Variants in BBS9 observed in about 807,000 individuals in gnomAD.
BBS9 encodes the protein Bardet-Biedl syndrome 9.
Under a neutral mutation model 117.7 loss-of-function variants are expected in BBS9, and 89 were observed. The observed-to-expected ratio is 0.76, with a 90% CI of 0.64 to 0.90. The LOEUF (loss-of-function observed/expected upper bound fraction) is 0.90, where lower values mean the gene tolerates loss of function less well. Among genes scored for constraint, BBS9 ranks in the 40% least tolerant of loss-of-function variants. The pLI, the probability that BBS9 is intolerant of heterozygous loss-of-function variation, is 0.00. For missense variants in BBS9, 982 were observed against 1,042.2 expected (o/e 0.94, Z 0.80); for synonymous variants, 379 against 370.9 (o/e 1.02, Z -0.25).
intron 9 of BBS9, among the ~76,000 whole-genome samples, chr7:33,335,194 A>G (rs765664657): frequency 6.6e-6 from 1 of 152,106 alleles, no homozygotes; most frequent in African/African-American, 2.4e-5. Context: ...CTTCAGATGA[A>G]TAGCAACATT....
chr7:33,585,302 G>C (rs771027748), intron 21 of BBS9, among the ~76,000 whole-genome samples: 1 of 152,132 alleles, frequency 6.6e-6, no homozygotes, highest in Non-Finnish European at 1.5e-5. Flanking sequence ...AGCAAGGGGT[G>C]TAGTAGGTGT....
At chr7:33,273,743 TTG>T (rs1800231512) in intron 8 of BBS9, 82 bp from the exon 9 acceptor site, 2 of 1,278,806 alleles carry the variant, frequency 1.6e-6, no homozygotes, top group African/African-American at 2.9e-5. Flanking sequence ...TAGAATTAGT[TTG>T]TGCTATCAAT....
At chr7:33,186,185 C>T (rs907972467) in intron 5 of BBS9, among the ~76,000 whole-genome samples, 3 of 152,162 alleles carry the variant, frequency 2.0e-5, no homozygotes, top group Non-Finnish European at 2.9e-5. Flanking sequence ...GATTAAAATG[C>T]GGATTCTTGT....
intron 19 of BBS9, among the ~76,000 whole-genome samples, chr7:33,416,420 C>A (rs548343352): frequency 1.3e-5 from 2 of 151,902 alleles, no homozygotes; most frequent in South Asian, 2.1e-4. Flanking sequence ...AGAAATTGTT[C>A]TTTTACCCAC....
At chr7:33,196,554 C>T (rs1033082184) in intron 5 of BBS9, among the ~76,000 whole-genome samples, 10 of 152,164 alleles carry the variant, frequency 6.6e-5, no homozygotes, top group African/African-American at 2.4e-4. Context: ...TAGCCCTTGT[C>T]TCACCAGTGA....
intron 5 of BBS9, among the ~76,000 whole-genome samples, chr7:33,248,709 G>A (rs534282974): frequency 2.6e-5 from 4 of 152,236 alleles, no homozygotes; most frequent in African/African-American, 9.6e-5. Flanking sequence ...ATGTGTTAGT[G>A]TTTCAGTCTT....
chr7:33,283,085 C>G (rs1802215151), intron 9 of BBS9, among the ~76,000 whole-genome samples: 1 of 152,036 alleles, frequency 6.6e-6, no homozygotes, highest in Non-Finnish European at 1.5e-5. Context: ...ACCACTAGTT[C>G]TTTTACTATT....
chr7:33,158,563 AAG>A (rs1794400512), intron 4 of BBS9, among the ~76,000 whole-genome samples: 2 of 152,150 alleles, frequency 1.3e-5, no homozygotes, highest in African/African-American at 4.8e-5. Flanking sequence ...TTAAATTTTA[AAG>A]TGCTATTACC....
intron 19 of BBS9, among the ~76,000 whole-genome samples, chr7:33,420,895 T>G (rs552740423): frequency 6.6e-6 from 1 of 152,212 alleles, no homozygotes; most frequent in South Asian, 2.1e-4. Flanking sequence ...AAGTTTTTCT[T>G]CACTACCCTT....
At chr7:33,180,679 C>T (rs1408297491) in intron 5 of BBS9, among the ~76,000 whole-genome samples, 3 of 152,086 alleles carry the variant, frequency 2.0e-5, no homozygotes, top group East Asian at 3.9e-4. Flanking sequence ...AGCACTAGTT[C>T]TTCTTTTCGG....
At chr7:33,610,197 T>G (rs1355640955), downstream of BBS9, among the ~76,000 whole-genome samples, 1 of 152,104 alleles carries the variant, frequency 6.6e-6, no homozygotes, top group East Asian at 1.9e-4. Context: ...AAATTATTGG[T>G]TTGTTAATTT....
intron 1 of BBS9, among the ~76,000 whole-genome samples, chr7:33,143,068 C>A (rs6961650): frequency 0.014 from 2,185 of 152,234 alleles, 58 homozygotes; most frequent in African/African-American, 0.05. Context: ...CTCCCAGGTT[C>A]ATGGCATTCT....
chr7:33,336,479 G>T lies in BBS9; in HGVS notation c.1055G>T (p.Gly352Val). The T allele has an allele frequency of 6.2e-7, 1 of 1,613,756 alleles. No homozygotes were observed. Among genetic ancestry groups the T allele is most frequent in the Non-Finnish European group, 8.5e-7 (1 of 1,179,788 alleles). ...GTGATAGTCACTCTGAGTGATGATG[G>T]TCACTTGCAGTGTTCATACCTGGGG... is the stretch of plus-strand genomic sequence containing the variant. ...KGVIVTLSDD[G>V]HLQCSYLGTD... The change falls in exon 10 of 23, where the codon GGT becomes GTT. Residue 352 changes from glycine (G) to valine (V), a missense_variant. By Grantham distance (109) the Gly-to-Val change is moderately radical. Coordinates refer to ENST00000242067, the MANE Select transcript of BBS9 (RefSeq NM_198428.3).
intron 17 of BBS9, among the ~76,000 whole-genome samples, chr7:33,376,755 G>A (rs1309433211): frequency 6.6e-6 from 1 of 152,074 alleles, no homozygotes. Context: ...GGTGTGACAT[G>A]GTATCTCATT....
chr7:33,496,439 G>A (rs1457258481), intron 19 of BBS9, among the ~76,000 whole-genome samples: 1 of 151,898 alleles, frequency 6.6e-6, no homozygotes, highest in Non-Finnish European at 1.5e-5. Flanking sequence ...TGGAAGGCGG[G>A]GGTTGCAGTG....
At chr7:33,630,977 G>T (rs891449238) in intron 21 of BBS9, among the ~76,000 whole-genome samples, 4 of 152,272 alleles carry the variant, frequency 2.6e-5, no homozygotes, top group Admixed American at 2.6e-4. Flanking sequence ...TTTACTCAAT[G>T]AATTCCATAG....
At chr7:33,153,804 G>A (rs1293031356) in intron 3 of BBS9, among the ~76,000 whole-genome samples, 7 of 152,262 alleles carry the variant, frequency 4.6e-5, no homozygotes, top group East Asian at 3.9e-4. Context: ...GCTGGATTGC[G>A]GAGATTTTGT....
chr7:33,224,480 A>C (rs1485288221), intron 5 of BBS9, among the ~76,000 whole-genome samples: 2 of 152,246 alleles, frequency 1.3e-5, no homozygotes, highest in African/African-American at 4.8e-5. Flanking sequence ...CATTTCAGTT[A>C]GGCTTAACTT....
intron 9 of BBS9, among the ~76,000 whole-genome samples, chr7:33,304,441 A>C (rs1218157204): frequency 6.9e-6 from 1 of 144,458 alleles, no homozygotes; most frequent in Non-Finnish European, 1.5e-5. Context: ...CTAGGAATTG[A>C]GGAGTGCCTC....
Sources: allele counts gnomAD v4.1 joint callset (sites outside exome capture counted in the v4.1 genomes callset), GRCh38; gene constraint gnomAD v4.1.1; transcripts MANE v1.5; gene names NCBI Gene and HGNC (gene_info 2026-07-23, HGNC 2026-07-21).